Variants in ELF5 observed in about 807,000 individuals in gnomAD.
ELF5 encodes E74 like ETS transcription factor 5.
In ELF5, 31 loss-of-function variants were observed where a neutral mutation model predicts 38.2. That is an observed-to-expected ratio of 0.81 (90% CI 0.61 to 1.10). ELF5 has a LOEUF of 1.10. Ranked by LOEUF, ELF5 falls within the 50% of genes least tolerant of loss-of-function variation. ELF5 has a pLI of 0.00. For missense variants in ELF5, 300 were observed against 306.6 expected (o/e 0.98, Z 0.16); for synonymous variants, 121 against 112.5 (o/e 1.08, Z -0.48).
intron 5 of ELF5, among the ~76,000 whole-genome samples, chr11:34,482,010 TC>T (rs891164357): frequency 2.0e-5 from 3 of 152,166 alleles, no homozygotes; most frequent in Admixed American, 2.0e-4. Flanking sequence ...GATTGCCAAT[TC>T]CCGGTGTTTT....
intron 2 of ELF5, among the ~76,000 whole-genome samples, chr11:34,499,885 T>A (rs1850416558): frequency 1.3e-5 from 2 of 152,212 alleles, no homozygotes; most frequent in Non-Finnish European, 2.9e-5. Flanking sequence ...ATGGATTAGC[T>A]GTGCAACTCT....
chr11:34,506,086 C>T (rs928587614), intron 1 of ELF5, among the ~76,000 whole-genome samples: 2 of 152,182 alleles, frequency 1.3e-5, no homozygotes, highest in East Asian at 1.9e-4. Flanking sequence ...TGTTTGCTCA[C>T]ATCTGACCCC....
At chr11:34,488,807 A>C (rs1235954904) in intron 4 of ELF5, among the ~76,000 whole-genome samples, 2 of 152,192 alleles carry the variant, frequency 1.3e-5, no homozygotes, top group Admixed American at 1.3e-4. Flanking sequence ...GAGTAAAGCA[A>C]ATGCCTGCCT....
Position 34,480,789 on chromosome 11 carries a change from C to A in ELF5, c.654G>T (p.Lys218Asn), listed in dbSNP as rs1304407714. 6 of 1,614,074 alleles carry A rather than the reference C, an allele frequency of 3.7e-6. No homozygotes were observed. The highest frequency in any genetic ancestry group is 5.1e-6 in the Non-Finnish European group (6 of 1,179,992). Residue 218 changes from lysine to asparagine, a missense_variant, in exon 6 of 7, where the codon AAG becomes AAT. Transcript: ENST00000257832. ...TAACTTACCTCAGGGCTCTGCTCAACTTTTCATATGTCATTCTGTCATTTT... is the reference window on the plus strand; with the variant it reads ...TAACTTACCTCAGGGCTCTGCTCAAATTTTCATATGTCATTCTGTCATTTT... The part of the protein sequence containing the change: ...RKKNDRMTYE[K>N]LSRALRYYYK...
At position 34,489,913 on chromosome 11, in the gene ELF5, C is replaced by T; in HGVS notation, c.406+96G>A. The T allele has an allele frequency of 2.8e-6, 4 of 1,436,992 alleles. No homozygotes were observed. In the South Asian group the frequency reaches 3.5e-5, roughly 12 times the overall value. The allele number at this position is 1,436,992 out of a possible 1,614,324, so 89.0% of individuals were successfully genotyped here. A position where few individuals can be genotyped will look rare whatever the true frequency, so the allele number is the denominator to read the frequency against. On this transcript the variant is annotated intron_variant, in intron 4 of 6. Coordinates refer to ENST00000257832, the MANE Select transcript of ELF5 (RefSeq NM_001422.4). Reference sequence around the variant, plus strand: ...CTCCAGGTCTGGGATTGTTTTGGTTCATCAGCTTTTCAGTATGATCCTAAA... The same window carrying T: ...CTCCAGGTCTGGGATTGTTTTGGTTTATCAGCTTTTCAGTATGATCCTAAA...
intron 2 of ELF5, among the ~76,000 whole-genome samples, chr11:34,499,739 G>T (rs1161427593): frequency 1.3e-5 from 2 of 152,170 alleles, no homozygotes; most frequent in African/African-American, 4.8e-5. Context: ...TTCTGTACAA[G>T]AATCCAATTC....
At chr11:34,486,811 AT>A (rs1850007470) in intron 4 of ELF5, among the ~76,000 whole-genome samples, 1 of 152,212 alleles carries the variant, frequency 6.6e-6, no homozygotes, top group South Asian at 2.1e-4. Context: ...TGCTTAATAA[AT>A]GGTAAAGACA....
At chr11:34,481,646 A>G (rs373281124) in intron 5 of ELF5, among the ~76,000 whole-genome samples, 5 of 152,082 alleles carry the variant, frequency 3.3e-5, no homozygotes, top group East Asian at 1.9e-4. Flanking sequence ...CACAGCCACA[A>G]CTGTCTGGGT....
chr11:34,502,507 C>T (rs1850497849), intron 2 of ELF5, among the ~76,000 whole-genome samples: 1 of 152,230 alleles, frequency 6.6e-6, no homozygotes, highest in Non-Finnish European at 1.5e-5. Flanking sequence ...GACAGAAGGC[C>T]CCTCCTGCTA....
chr11:34,513,089 C>T (rs1273685970), intron 1 of ELF5, among the ~76,000 whole-genome samples: 1 of 152,208 alleles, frequency 6.6e-6, no homozygotes, highest in Non-Finnish European at 1.5e-5. Context: ...CTGACAAGGC[C>T]TGAGAACACA....
At position 34,482,506 on chromosome 11, in the gene ELF5, T is replaced by C; in HGVS notation, c.407-7A>G. ...AAGCAGTTGGAATCAGCATCTGAAA[T>C]AGAATAATTTATAGCAGTGGAAAGG... On this transcript the variant is annotated splice_region_variant and splice_polypyrimidine_tract_variant and intron_variant, in intron 4 of 6. Transcript: ENST00000257832. 3 of 1,610,674 alleles carry C rather than the reference T, an allele frequency of 1.9e-6. No homozygotes were observed. Among genetic ancestry groups the C allele is most frequent in the South Asian group, 1.1e-5 (1 of 90,346 alleles).
intron 2 of ELF5, among the ~76,000 whole-genome samples, chr11:34,503,265 C>A (rs1850516574): frequency 6.6e-6 from 1 of 151,894 alleles, no homozygotes; most frequent in Non-Finnish European, 1.5e-5. Context: ...CTCAAGGGAT[C>A]CTCCTGTCTC....
At chr11:34,494,516 A>G (rs1454697860) in intron 2 of ELF5, among the ~76,000 whole-genome samples, 1 of 152,124 alleles carries the variant, frequency 6.6e-6, no homozygotes, top group Non-Finnish European at 1.5e-5. Flanking sequence ...TTCTATCCTG[A>G]GATCAGAGCC....
intron 2 of ELF5, among the ~76,000 whole-genome samples, chr11:34,502,848 G>C (rs1046134848): frequency 6.6e-6 from 1 of 152,214 alleles, no homozygotes; most frequent in Non-Finnish European, 1.5e-5. Context: ...AATCACAGAA[G>C]CTTCTGGAAG....
chr11:34,492,724 C>G (rs2420386), intron 3 of ELF5: 52,795 of 152,754 alleles, frequency 0.35, 10,192 homozygotes, highest in Non-Finnish European at 0.42. Context: ...ATTCAGACAG[C>G]TTAAGCCACT....
intron 2 of ELF5, among the ~76,000 whole-genome samples, chr11:34,499,027 G>A (rs1039235233): frequency 1.3e-5 from 2 of 151,828 alleles, no homozygotes; most frequent in Admixed American, 1.3e-4. Flanking sequence ...GGAGGTGGAG[G>A]TTGCAGTGAG....
chr11:34,499,221 C>G (rs1850392189), intron 2 of ELF5, among the ~76,000 whole-genome samples: 1 of 152,078 alleles, frequency 6.6e-6, no homozygotes, highest in South Asian at 2.1e-4. Flanking sequence ...TCACTCAAAG[C>G]AAAAATTTTG....
chr11:34,489,125 C>T (rs149785152), intron 4 of ELF5, among the ~76,000 whole-genome samples: 5 of 152,352 alleles, frequency 3.3e-5, no homozygotes, highest in East Asian at 3.9e-4. Context: ...GTGTGGTCCA[C>T]GAACTGGCCA....
chr11:34,500,135 A>G (rs1419440501), intron 2 of ELF5, among the ~76,000 whole-genome samples: 2 of 152,218 alleles, frequency 1.3e-5, no homozygotes, highest in Non-Finnish European at 2.9e-5. Context: ...AGGAAAAACT[A>G]CAGTAAAGCA....
Sources: gnomAD v4.1 joint callset for allele counts (sites outside exome capture counted in the v4.1 genomes callset) on GRCh38, gnomAD v4.1.1 for gene constraint, MANE v1.5 for transcripts, NCBI Gene and HGNC (gene_info 2026-07-23, HGNC 2026-07-21) for gene names.